The following ERC2 variants were observed in gnomAD, a reference collection of about 807,000 sequenced individuals.
ERC2 encodes ELKS/RAB6-interacting/CAST family member 2.
Under a neutral mutation model 114.8 loss-of-function variants are expected in ERC2, and 42 were observed. That is an observed-to-expected ratio of 0.37 (90% CI 0.29 to 0.47). ERC2 has a LOEUF of 0.47. ERC2 is among the 20% of genes least tolerant of loss of function. The pLI, the probability that ERC2 is intolerant of heterozygous loss-of-function variation, is 0.99. For synonymous variants in ERC2, 454 were observed against 425.5 expected, an observed-to-expected ratio of 1.07 and a Z score of -0.82; for missense variants, 939 against 1,150.7, an observed-to-expected ratio of 0.82 and a Z score of 2.66.
chr3:56,318,274 C>A (rs1402883348), intron 2 of ERC2, among the ~76,000 whole-genome samples: 1 of 152,172 alleles, frequency 6.6e-6, no homozygotes, highest in Non-Finnish European at 1.5e-5. Flanking sequence ...ACAGCCTCAA[C>A]CTCCTGGGCT....
intron 17 of ERC2, among the ~76,000 whole-genome samples, chr3:55,539,870 TA>T (rs1425682157): frequency 6.6e-6 from 1 of 151,950 alleles, no homozygotes; most frequent in Admixed American, 6.6e-5. Context: ...ATTAAAATAA[TA>T]AAAATATTTT....
chr3:55,596,645 A>C (rs2148514747), intron 17 of ERC2, among the ~76,000 whole-genome samples: 1 of 152,204 alleles, frequency 6.6e-6, no homozygotes, highest in East Asian at 1.9e-4. Context: ...TGGAAAATGG[A>C]CCAGTGACAC....
chr3:55,969,653 C>G (rs144927113), intron 12 of ERC2, among the ~76,000 whole-genome samples: 1 of 152,182 alleles, frequency 6.6e-6, no homozygotes. Flanking sequence ...GTCCTGCTTC[C>G]GAAAACCCAA....
intron 15 of ERC2, among the ~76,000 whole-genome samples, chr3:55,703,219 C>T (rs1352794199): frequency 2.0e-5 from 3 of 152,146 alleles, no homozygotes; most frequent in African/African-American, 2.4e-5. Flanking sequence ...GGGAGGCTCC[C>T]GCCACACTCA....
intron 12 of ERC2, among the ~76,000 whole-genome samples, chr3:55,983,137 A>C (rs2070297255): frequency 6.6e-6 from 1 of 152,168 alleles, no homozygotes; most frequent in Admixed American, 6.5e-5. Flanking sequence ...CTGAGGCCCA[A>C]ACAAGGAATC....
intron 17 of ERC2, among the ~76,000 whole-genome samples, chr3:55,660,887 C>A (rs1260118412): frequency 6.6e-6 from 1 of 152,176 alleles, no homozygotes; most frequent in Non-Finnish European, 1.5e-5. Flanking sequence ...CCTTGTAGGG[C>A]TGTTGTGAAG....
chr3:56,290,379 G>A (rs779963418), intron 3 of ERC2, among the ~76,000 whole-genome samples: 106 of 152,312 alleles, frequency 7.0e-4, no homozygotes, highest in African/African-American at 2.4e-3. Flanking sequence ...GTACTGATCA[G>A]GTAAGAAATT....
intron 15 of ERC2, among the ~76,000 whole-genome samples, chr3:55,711,070 T>G (rs2063753632): frequency 6.6e-6 from 1 of 152,178 alleles, no homozygotes; most frequent in Admixed American, 6.5e-5. Context: ...ATGTCATTGG[T>G]TTTGCGTTCC....
intron 3 of ERC2, among the ~76,000 whole-genome samples, chr3:56,174,505 A>G (rs953190084): frequency 5.3e-5 from 8 of 152,222 alleles, no homozygotes; most frequent in African/African-American, 1.9e-4. Context: ...ACAAAAATCA[A>G]TTTAGAGTCA....
intron 1 of ERC2, among the ~76,000 whole-genome samples, chr3:56,437,585 G>T (rs2062081264): frequency 6.6e-6 from 1 of 152,122 alleles, no homozygotes; most frequent in African/African-American, 2.4e-5. Flanking sequence ...TCCCTCAAGA[G>T]GTCTTAAAAA....
chr3:56,386,324 C>T (rs971702028), intron 2 of ERC2, among the ~76,000 whole-genome samples: 1 of 152,100 alleles, frequency 6.6e-6, no homozygotes, highest in Non-Finnish European at 1.5e-5. Context: ...TGAAACACTC[C>T]AAGCATCCCA....
intron 14 of ERC2, among the ~76,000 whole-genome samples, chr3:55,850,891 C>CACACGA (rs3221909): frequency 1.3e-5 from 2 of 150,186 alleles, no homozygotes; most frequent in Non-Finnish European, 3.0e-5. Context: ...CACACACACA[C>CACACGA]GAGAGAACCA....
intron 13 of ERC2, among the ~76,000 whole-genome samples, chr3:55,938,199 G>A (rs1418216613): frequency 6.6e-6 from 1 of 151,384 alleles, no homozygotes; most frequent in Non-Finnish European, 1.5e-5. Context: ...TGGAATGAAT[G>A]AATAGATTAA....
intron 4 of ERC2, among the ~76,000 whole-genome samples, chr3:56,168,023 G>A (rs925584321): frequency 6.6e-5 from 10 of 152,114 alleles, no homozygotes; most frequent in African/African-American, 2.4e-4. Context: ...CAAAGTAAAT[G>A]TTGAAAGAAA....
In ERC2 at chr3:55,700,664, C is replaced by T. The variant is rs547380702; in HGVS notation, c.2713-1152G>A. ...CAATGCCTCCCTAGCCCCCTTTCTT[C>T]ACCTTTAACTTCTATGTCTGGCTAA... On this transcript the variant is annotated intron_variant, in intron 15 of 17. Transcript: ENST00000288221. Among the ~76,000 whole-genome samples, 34 of 152,288 alleles carry T rather than the reference C, an allele frequency of 2.2e-4. 1 individual carries two copies. Among genetic ancestry groups the T allele is most frequent in the South Asian group, 1.2e-3 (6 of 4,828 alleles).
intron 14 of ERC2, among the ~76,000 whole-genome samples, chr3:55,834,263 A>G (rs192987011): frequency 0.026 from 4,035 of 152,266 alleles, 179 homozygotes; most frequent in African/African-American, 0.093. Context: ...AGTGGACCTA[A>G]TAGACATCTA....
chr3:55,943,272 C>T (rs149509885), intron 13 of ERC2, among the ~76,000 whole-genome samples: 1 of 152,194 alleles, frequency 6.6e-6, no homozygotes, highest in Non-Finnish European at 1.5e-5. Flanking sequence ...AGTCCTTTTG[C>T]TTTCAATGTT....
At chr3:56,371,973 CT>C (rs1291589915) in intron 2 of ERC2, among the ~76,000 whole-genome samples, 4 of 152,242 alleles carry the variant, frequency 2.6e-5, no homozygotes. Flanking sequence ...GCCCTGGGAT[CT>C]CTCATGCTGT....
chr3:56,051,849 AC>A (rs2075785352), intron 7 of ERC2, among the ~76,000 whole-genome samples: 5 of 143,754 alleles, frequency 3.5e-5, no homozygotes, highest in Non-Finnish European at 5.9e-5. Flanking sequence ...ACACACACAC[AC>A]ACACACACAC....
Sources: allele counts gnomAD v4.1 joint callset (sites outside exome capture counted in the v4.1 genomes callset), GRCh38; gene constraint gnomAD v4.1.1; transcripts MANE v1.5; gene names NCBI Gene and HGNC (gene_info 2026-07-23, HGNC 2026-07-21).